Variants in GRM5 observed in about 807,000 individuals in gnomAD.
The protein encoded by GRM5 is glutamate metabotropic receptor 5.
GRM5 carries 19 observed loss-of-function variants against 83.1 expected under a neutral mutation model. That is an observed-to-expected ratio of 0.23 (90% CI 0.16 to 0.34). GRM5 has a LOEUF of 0.34. Among genes scored for constraint, GRM5 ranks in the 10% least tolerant of loss-of-function variants. The pLI is 1.00. For synonymous variants in GRM5, 675 were observed against 633.6 expected, an observed-to-expected ratio of 1.07 and a Z score of -0.98; for missense variants, 1,160 against 1,588.3, an observed-to-expected ratio of 0.73 and a Z score of 4.58.
chr11:89,027,157 G>A (rs544182227), intron 2 of GRM5, among the ~76,000 whole-genome samples: 12 of 151,512 alleles, frequency 7.9e-5, no homozygotes, highest in Non-Finnish European at 1.6e-4. Flanking sequence ...GTGCAGTGGC[G>A]CAATCTCGGC....
chr11:89,049,549 A>G (rs570104476), intron 1 of GRM5, among the ~76,000 whole-genome samples: 1 of 152,210 alleles, frequency 6.6e-6, no homozygotes, highest in East Asian at 1.9e-4. Flanking sequence ...AAGGTCATCA[A>G]ATCTACAAAA....
chr11:88,973,645 A>G (rs1023866198), intron 2 of GRM5, among the ~76,000 whole-genome samples: 1 of 152,164 alleles, frequency 6.6e-6, no homozygotes, highest in Non-Finnish European at 1.5e-5. Context: ...CAATGAGGCT[A>G]ATTTTGGATT....
chr11:88,762,831 T>C (rs1288689866), intron 3 of GRM5, among the ~76,000 whole-genome samples: 1 of 151,968 alleles, frequency 6.6e-6, no homozygotes, highest in Admixed American at 6.6e-5. Context: ...CATGGAGTAC[T>C]ATGCAGTCAT....
At chr11:88,767,860 T>C (rs1320157495) in intron 3 of GRM5, among the ~76,000 whole-genome samples, 2 of 151,914 alleles carry the variant, frequency 1.3e-5, no homozygotes, top group Non-Finnish European at 2.9e-5. Flanking sequence ...TAATTAATCA[T>C]TAGGGACATT....
intron 3 of GRM5, among the ~76,000 whole-genome samples, chr11:88,757,740 G>GCTACT (rs1942425607): frequency 6.6e-6 from 1 of 152,170 alleles, no homozygotes; most frequent in Non-Finnish European, 1.5e-5. Flanking sequence ...TGCAGTCAAT[G>GCTACT]AGTGTGAACC....
At chr11:88,610,161 T>C (rs556930842) in intron 4 of GRM5, among the ~76,000 whole-genome samples, 30 of 152,288 alleles carry the variant, frequency 2.0e-4, no homozygotes, top group Non-Finnish European at 3.2e-4. Context: ...TGAAGTTGGG[T>C]AGTGTGATGC....
chr11:88,885,450 GTTTTTTTTT>G lies in GRM5; in HGVS notation c.662-35304_662-35296del, dbSNP rs61456975. Among the ~76,000 whole-genome samples, 246 of 62,640 alleles carry G rather than the reference GTTTTTTTTT, an allele frequency of 3.9e-3. 16 individuals are homozygous for G. Among genetic ancestry groups the G allele is most frequent in the African/African-American group, 0.014 (232 of 16,870 alleles). 41.1% of individuals were successfully genotyped at this position (62,640 alleles called of 152,430 possible). A position where few individuals can be genotyped will look rare whatever the true frequency, so the allele number is the denominator to read the frequency against. ...TTCTGAATTCTATAGTAGGTACCAT[GTTTTTTTTT>G]TTTTTTTTTTTTTTTTTTTTTTTTT... On this transcript the variant is annotated intron_variant, in intron 2 of 9. Coordinates refer to ENST00000305447, the MANE Select transcript of GRM5 (RefSeq NM_001143831.3).
intron 8 of GRM5, among the ~76,000 whole-genome samples, chr11:88,555,795 C>T (rs902864226): frequency 6.6e-6 from 1 of 152,208 alleles, no homozygotes; most frequent in African/African-American, 2.4e-5. Context: ...ACATGAAAAA[C>T]ATAAGCGCAC....
At chr11:89,024,213 T>A (rs1941071591) in intron 2 of GRM5, among the ~76,000 whole-genome samples, 1 of 152,158 alleles carries the variant, frequency 6.6e-6, no homozygotes, top group African/African-American at 2.4e-5. Context: ...GACTCTATCT[T>A]AATAAATAAA....
At chr11:88,788,381 G>A (rs57682213) in intron 3 of GRM5, among the ~76,000 whole-genome samples, 8,093 of 152,072 alleles carry the variant, frequency 0.053, 402 homozygotes, top group Admixed American at 0.16. Context: ...AAAACAGCGG[G>A]AATAAAGTCA....
At chr11:88,704,217 C>A (rs971568673) in intron 3 of GRM5, among the ~76,000 whole-genome samples, 1 of 152,054 alleles carries the variant, frequency 6.6e-6, no homozygotes, top group African/African-American at 2.4e-5. Flanking sequence ...AATACCATCA[C>A]ATTGGGGCTT....
intron 4 of GRM5, among the ~76,000 whole-genome samples, chr11:88,635,603 G>A (rs557933654): frequency 6.6e-6 from 1 of 152,198 alleles, no homozygotes; most frequent in East Asian, 1.9e-4. Flanking sequence ...TCAGATATAT[G>A]GTTGCAAATA....
At chr11:88,969,003 G>C (rs1163296094) in intron 2 of GRM5, among the ~76,000 whole-genome samples, 2 of 151,938 alleles carry the variant, frequency 1.3e-5, no homozygotes, top group Admixed American at 6.6e-5. Context: ...AGACAGCAAA[G>C]GACAATCCTG....
At chr11:88,543,340 A>G (rs774226448) in intron 8 of GRM5, among the ~76,000 whole-genome samples, 1 of 152,184 alleles carries the variant, frequency 6.6e-6, no homozygotes, top group Admixed American at 6.5e-5. Flanking sequence ...GGAAGAGGGC[A>G]GGGTGCAGAA....
intron 2 of GRM5, among the ~76,000 whole-genome samples, chr11:89,042,954 C>G (rs1941565833): frequency 6.6e-6 from 1 of 151,800 alleles, no homozygotes; most frequent in Non-Finnish European, 1.5e-5. Flanking sequence ...TTGTTTTTTG[C>G]TGTAACAAAT....
At chr11:88,920,614 G>A (rs1017798563) in intron 2 of GRM5, among the ~76,000 whole-genome samples, 8 of 152,008 alleles carry the variant, frequency 5.3e-5, no homozygotes, top group African/African-American at 1.7e-4. Context: ...AAAACAGGAC[G>A]AAGACACATC....
intron 3 of GRM5, among the ~76,000 whole-genome samples, chr11:88,667,627 C>T (rs1214114143): frequency 3.3e-5 from 5 of 152,112 alleles, no homozygotes; most frequent in African/African-American, 1.2e-4. Context: ...GGCGCAGTGG[C>T]TCACGCCTGT....
At chr11:89,062,012 A>G (rs1225784957) in intron 1 of GRM5, among the ~76,000 whole-genome samples, 2 of 152,218 alleles carry the variant, frequency 1.3e-5, no homozygotes, top group African/African-American at 2.4e-5. Flanking sequence ...AGAAACTTGA[A>G]AGATCTGTCC....
chr11:88,656,335 C>T (rs906337943), intron 3 of GRM5, among the ~76,000 whole-genome samples: 14 of 152,038 alleles, frequency 9.2e-5, no homozygotes, highest in African/African-American at 2.2e-4. Context: ...TATTCTTTTC[C>T]GTTGTTTGGA....
Sources: gnomAD v4.1 joint callset for allele counts (sites outside exome capture counted in the v4.1 genomes callset) on GRCh38, gnomAD v4.1.1 for gene constraint, MANE v1.5 for transcripts, NCBI Gene and HGNC (gene_info 2026-07-23, HGNC 2026-07-21) for gene names.